Variants in ELSPBP1 observed in about 807,000 individuals in gnomAD.
The protein encoded by ELSPBP1 is epididymal sperm-binding protein 1.
A neutral mutation model predicts 33.3 loss-of-function variants in ELSPBP1; 38 were observed. That is an observed-to-expected ratio of 1.14 (90% confidence interval 0.88 to 1.50). ELSPBP1 has a LOEUF of 1.50. Among genes scored for constraint, ELSPBP1 ranks in the 40% most tolerant of loss-of-function variants. The pLI is 0.00. For synonymous variants in ELSPBP1, 85 were observed against 94.1 expected, an observed-to-expected ratio of 0.90 and a Z score of 0.56; for missense variants, 267 against 263.5, an observed-to-expected ratio of 1.01 and a Z score of -0.09.
intron 6 of ELSPBP1, among the ~76,000 whole-genome samples, chr19:48,023,328 A>C (rs1967223986): frequency 8.0e-6 from 1 of 124,932 alleles, no homozygotes. Flanking sequence ...AGAGAGGGAA[A>C]GAAGGAAGGG....
intron 6 of ELSPBP1, among the ~76,000 whole-genome samples, chr19:48,023,420 G>A (rs2122342456): frequency 3.0e-5 from 3 of 100,034 alleles, no homozygotes; most frequent in African/African-American, 7.1e-5. Context: ...AGGAGGGAGG[G>A]AGGGAAGGAG....
intron 5 of ELSPBP1, among the ~76,000 whole-genome samples, chr19:48,021,919 A>T (rs576862927): frequency 1.1e-3 from 162 of 151,940 alleles, no homozygotes; most frequent in African/African-American, 3.3e-3. Flanking sequence ...AATTAAAAAA[A>T]TTTTTTTTGT....
At chr19:48,001,289 G>T (rs1321270839) in intron 1 of ELSPBP1, among the ~76,000 whole-genome samples, 1 of 151,484 alleles carries the variant, frequency 6.6e-6, no homozygotes, top group Admixed American at 6.6e-5. Context: ...TCCTGCCTCA[G>T]CCTCCTGAGT....
chr19:47,996,383 T>G (rs1224578877), intron 1 of ELSPBP1, among the ~76,000 whole-genome samples: 1 of 152,148 alleles, frequency 6.6e-6, no homozygotes, highest in Non-Finnish European at 1.5e-5. Flanking sequence ...GATGAATGAT[T>G]GATGGATGGA....
rs73941433 is a variant in ELSPBP1 at position 48,000,618 on chromosome 19, C to A, written c.-18+5807C>A. Among the ~76,000 whole-genome samples the A allele has an allele frequency of 4.5e-3, 682 of 152,220 alleles. 6 individuals carry two copies. The highest frequency in any genetic ancestry group is 0.016 in the African/African-American group (653 of 41,532). ...ACATTCCATAACACTCTGAAGGTCA[C>A]ACGGATGAGCAGAAATTCGTATACA... On this transcript the variant is annotated intron_variant, in intron 1 of 6. Coordinates refer to ENST00000339841, the MANE Select transcript of ELSPBP1 (RefSeq NM_022142.5).
intron 1 of ELSPBP1, among the ~76,000 whole-genome samples, chr19:48,003,660 C>A (rs1966989255): frequency 6.6e-6 from 1 of 150,898 alleles, no homozygotes; most frequent in Non-Finnish European, 1.5e-5. Flanking sequence ...CCTCAGCCTC[C>A]TGAGTAGCTG....
At chr19:48,015,096 A>T (rs1405629559) in intron 3 of ELSPBP1, among the ~76,000 whole-genome samples, 1 of 152,224 alleles carries the variant, frequency 6.6e-6, no homozygotes, top group East Asian at 1.9e-4. Flanking sequence ...TTTATGTCTT[A>T]TGTATTATAT....
chr19:48,000,841 T>C (rs1481547272), intron 1 of ELSPBP1, among the ~76,000 whole-genome samples: 1 of 152,148 alleles, frequency 6.6e-6, no homozygotes, highest in Non-Finnish European at 1.5e-5. Flanking sequence ...CGATTAATAT[T>C]TACAAAGCAC....
At chr19:48,006,433 G>C (rs1967017841) in intron 1 of ELSPBP1, among the ~76,000 whole-genome samples, 1 of 151,796 alleles carries the variant, frequency 6.6e-6, no homozygotes. Flanking sequence ...GGCCAACGTG[G>C]TGAAACCCTG....
chr19:48,001,678 G>A (rs367884102), intron 1 of ELSPBP1, among the ~76,000 whole-genome samples: 3 of 152,024 alleles, frequency 2.0e-5, no homozygotes, highest in African/African-American at 7.2e-5. Context: ...GAGTAGACAG[G>A]ACTACAGGCA....
intron 4 of ELSPBP1, among the ~76,000 whole-genome samples, 188 bp downstream of exon 4, chr19:48,016,227 A>G (rs994849654): frequency 6.6e-6 from 1 of 152,224 alleles, no homozygotes; most frequent in Non-Finnish European, 1.5e-5. Context: ...CCATTCGCCC[A>G]GTCCCCAGTC....
At chr19:48,014,923 A>G (rs1967115648) in intron 3 of ELSPBP1, among the ~76,000 whole-genome samples, 1 of 152,114 alleles carries the variant, frequency 6.6e-6, no homozygotes, top group African/African-American at 2.4e-5. Context: ...GCCTTTCTTA[A>G]TTTTCTAAGT....
chr19:48,022,433 A>C lies in ELSPBP1; in HGVS notation c.*7+99A>C, dbSNP rs113385129. On this transcript the variant is annotated intron_variant, in intron 6 of 6. Transcript: ENST00000339841. Reference sequence around the variant, plus strand: ...ATGCGAAGGCGAGATCTGCTTTTTCAAGCGTGTCTGATTAGCGTCGCTGAT... The same window carrying C: ...ATGCGAAGGCGAGATCTGCTTTTTCCAGCGTGTCTGATTAGCGTCGCTGAT... The C allele has an allele frequency of 4.6e-4, 523 of 1,134,064 alleles. No individual in the cohort carries two copies. In the African/African-American group the frequency reaches 6.0e-3, roughly 13 times the overall value. The allele number at this position is 1,134,064 out of a possible 1,614,324, so 70.3% of individuals were successfully genotyped here.
At chr19:48,008,274 T>C (rs1223224566) in intron 1 of ELSPBP1, among the ~76,000 whole-genome samples, 1 of 152,164 alleles carries the variant, frequency 6.6e-6, no homozygotes, top group Non-Finnish European at 1.5e-5. Context: ...ACTCTGTTAC[T>C]GAGGCTATAG....
At chr19:48,003,386 G>A (rs368385583) in intron 1 of ELSPBP1, among the ~76,000 whole-genome samples, 1 of 152,290 alleles carries the variant, frequency 6.6e-6, no homozygotes, top group South Asian at 2.1e-4. Context: ...GAGTGCAAAG[G>A]CCTTGAGGTG....
intron 1 of ELSPBP1, among the ~76,000 whole-genome samples, chr19:47,998,538 G>A (rs1470102649): frequency 3.9e-5 from 6 of 152,172 alleles, no homozygotes; most frequent in Admixed American, 6.5e-5. Context: ...TGTAATCCCA[G>A]CACTTTGGGA....
intron 4 of ELSPBP1, among the ~76,000 whole-genome samples, chr19:48,016,467 TCTTTCTTTC>T (rs1568407343): frequency 3.2e-3 from 122 of 38,096 alleles, no homozygotes; most frequent in South Asian, 4.2e-3. Context: ...TTTCTTTCCT[TCTTTCTTTC>T]TTTCTTTCTT....
At chr19:48,007,270 A>G (rs1056940326) in intron 1 of ELSPBP1, among the ~76,000 whole-genome samples, 9 of 152,186 alleles carry the variant, frequency 5.9e-5, no homozygotes, top group African/African-American at 2.2e-4. Context: ...ACGTTGCCTA[A>G]GAACTCTGAC....
At chr19:48,004,560 C>A (rs1241823971) in intron 1 of ELSPBP1, among the ~76,000 whole-genome samples, 3 of 152,114 alleles carry the variant, frequency 2.0e-5, no homozygotes, top group Admixed American at 2.0e-4. Context: ...GTATCCCCCA[C>A]CCCCATACCT....
Sources: allele counts gnomAD v4.1 joint callset (sites outside exome capture counted in the v4.1 genomes callset), GRCh38; gene constraint gnomAD v4.1.1; transcripts MANE v1.5; gene names NCBI Gene and HGNC (gene_info 2026-07-23, HGNC 2026-07-21).